Variants in CELF2 observed in about 807,000 individuals in gnomAD.
CELF2 encodes CUG triplet repeat RNA-binding protein 2.
A neutral mutation model predicts 62.6 loss-of-function variants in CELF2; 8 were observed. The observed-to-expected ratio is 0.13, with a 90% CI of 0.07 to 0.23. The LOEUF (loss-of-function observed/expected upper bound fraction) is 0.23, where lower values mean the gene tolerates loss of function less well. Ranked by LOEUF, CELF2 falls within the 10% of genes least tolerant of loss-of-function variation. The probability of loss-of-function intolerance (pLI) is 1.00; values close to 1 mark genes in which losing one functional copy is unlikely to be tolerated. For missense variants in CELF2, 333 were observed against 671.0 expected (o/e 0.50, Z 5.56); for synonymous variants, 258 against 250.0 (o/e 1.03, Z -0.30).
intron 2 of CELF2, among the ~76,000 whole-genome samples, chr10:11,167,542 T>C (rs1362975056): frequency 6.6e-6 from 1 of 152,224 alleles, no homozygotes; most frequent in Non-Finnish European, 1.5e-5. Flanking sequence ...AAAAAGTCCT[T>C]TTTCCCAGTC....
intron 1 of CELF2, among the ~76,000 whole-genome samples, chr10:11,112,300 A>T (rs1318920726): frequency 6.6e-6 from 1 of 152,244 alleles, no homozygotes; most frequent in Non-Finnish European, 1.5e-5. Flanking sequence ...AGGAGGTAGA[A>T]AGCACCATCA....
the CELF2 span, among the ~76,000 whole-genome samples, chr10:10,686,242 G>C: frequency 7.6e-6 from 1 of 131,548 alleles, no homozygotes; most frequent in Admixed American, 9.9e-5. Context: ...TATAAACCAG[G>C]TAGCTTTACC....
intron 1 of CELF2, among the ~76,000 whole-genome samples, chr10:10,916,257 G>A (rs558843496): frequency 1.1e-4 from 16 of 152,332 alleles, no homozygotes; most frequent in Admixed American, 5.2e-4. Context: ...AATGGTGACT[G>A]GATGATGACT....
In CELF2 at chr10:11,321,518, TTA is replaced by T. The variant is rs1491257515; in HGVS notation, c.1294+133_1294+134del. ...AAAGCAGTTGTTTTGTTATTCATGT[TTA>T]AAAAAAAAAAAAACTGAAAGCTGGG... On this transcript the variant is annotated intron_variant, in intron 11 of 12. Transcript: ENST00000633077. The surrounding 1 kb of genome is among the most constrained non-coding windows in gnomAD (Gnocchi z 6.2). 7 of 682,454 alleles carry T rather than the reference TTA, an allele frequency of 1.0e-5. No individual in the cohort carries two copies. Among genetic ancestry groups the T allele is most frequent in the Non-Finnish European group, 1.4e-5 (6 of 443,108 alleles). The allele number at this position is 682,454 out of a possible 1,614,324, so 42.3% of individuals were successfully genotyped here. A position where few individuals can be genotyped will look rare whatever the true frequency, so the allele number is the denominator to read the frequency against.
the CELF2 span, among the ~76,000 whole-genome samples, chr10:10,691,036 A>G: frequency 0.039 from 5,985 of 152,152 alleles, 280 homozygotes; most frequent in East Asian, 0.28. Context: ...TTTAAGTTTT[A>G]GGGTGCATGT....
At chr10:10,794,240 C>G (rs1428146673), upstream of CELF2, among the ~76,000 whole-genome samples, 1 of 152,026 alleles carries the variant, frequency 6.6e-6, no homozygotes, top group South Asian at 2.1e-4. Context: ...TTAACAAGAT[C>G]GGGAAATCTT....
At chr10:10,901,075 G>T (rs1384846370) in intron 1 of CELF2, among the ~76,000 whole-genome samples, 1 of 152,174 alleles carries the variant, frequency 6.6e-6, no homozygotes, top group African/African-American at 2.4e-5. Flanking sequence ...TGGGTCAGAA[G>T]ACTCAATAGT....
chr10:11,071,160 G>A (rs1263279758), intron 1 of CELF2, among the ~76,000 whole-genome samples: 2 of 152,138 alleles, frequency 1.3e-5, no homozygotes, highest in East Asian at 1.9e-4. Context: ...CTTCATGAAC[G>A]ACTTGAGAGC....
intron 1 of CELF2, among the ~76,000 whole-genome samples, chr10:10,863,188 C>T (rs965409511): frequency 6.6e-6 from 1 of 152,144 alleles, no homozygotes; most frequent in East Asian, 1.9e-4. Flanking sequence ...GCTACACTGC[C>T]CAGGCTAAAA....
chr10:10,837,799 T>A (rs60006491), intron 1 of CELF2, among the ~76,000 whole-genome samples: 10,998 of 152,190 alleles, frequency 0.072, 623 homozygotes, highest in East Asian at 0.19. Flanking sequence ...TGGCCATGTT[T>A]TGTTTTGCTT....
chr10:10,906,639 TAAAC>T (rs1464714429), intron 1 of CELF2, among the ~76,000 whole-genome samples: 1 of 151,126 alleles, frequency 6.6e-6, no homozygotes, highest in Non-Finnish European at 1.5e-5. Flanking sequence ...ATACAGTAAA[TAAAC>T]AAAGAGGAGA....
At chr10:10,963,391 T>G (rs2049764142) in intron 2 of CELF2, among the ~76,000 whole-genome samples, 1 of 152,146 alleles carries the variant, frequency 6.6e-6, no homozygotes, top group South Asian at 2.1e-4. Flanking sequence ...AAAAATCTTC[T>G]CTTATATTTC....
chr10:10,693,600 T>C, the CELF2 span, among the ~76,000 whole-genome samples: 1 of 151,344 alleles, frequency 6.6e-6, no homozygotes, highest in Non-Finnish European at 1.5e-5. Flanking sequence ...CAGTTCCTCC[T>C]TGTACCTCTG....
rs900100115 is a variant in CELF2, at chr10:11,242,434, G to A, written c.355-6719G>A. On this transcript the variant is annotated intron_variant, in intron 3 of 12. Coordinates refer to ENST00000633077, the MANE Select transcript of CELF2 (RefSeq NM_001326342.2). This position sits in a 1 kb window ranked among gnomAD's most constrained non-coding sequence, Gnocchi z 4.8. ...CTCGGAACCCTCCCTTCCTACAGCA[G>A]AGACCCACCGAGGCAGAGGGCTTCA... 1.3e-5 allele frequency among the ~76,000 whole-genome samples: 2 copies of A among 152,032 alleles called. No homozygotes were observed. Among genetic ancestry groups the A allele is most frequent in the African/African-American group, 4.8e-5 (2 of 41,382 alleles).
intron 3 of CELF2, among the ~76,000 whole-genome samples, chr10:11,233,431 T>G (rs1440436643): frequency 6.6e-6 from 1 of 152,172 alleles, no homozygotes; most frequent in African/African-American, 2.4e-5. Flanking sequence ...TTTCTTTAGG[T>G]CCCAGTGATC....
At chr10:10,555,912 G>T in the CELF2 span, among the ~76,000 whole-genome samples, 1 of 152,160 alleles carries the variant, frequency 6.6e-6, no homozygotes, top group East Asian at 1.9e-4. Context: ...CAGGATTTAG[G>T]TGACTGTATG....
At chr10:11,209,522 A>T (rs1422347452) in intron 2 of CELF2, among the ~76,000 whole-genome samples, 2 of 149,698 alleles carry the variant, frequency 1.3e-5, no homozygotes, top group Non-Finnish European at 3.0e-5. Flanking sequence ...TTGCCTCAAG[A>T]TGCTAGGGGT....
chr10:11,318,425 C>G lies in CELF2; in HGVS notation c.1097-2764C>G, dbSNP rs746285729. Reference sequence around the variant, plus strand: ...CTGCATCCCTTGCTCATGGTACCGCCTCTGCCACCTCCCCAGGGAAACAGG... The same window carrying G: ...CTGCATCCCTTGCTCATGGTACCGCGTCTGCCACCTCCCCAGGGAAACAGG... On this transcript the variant is annotated intron_variant, in intron 10 of 12. Coordinates refer to ENST00000633077, the MANE Select transcript of CELF2 (RefSeq NM_001326342.2). This position sits in a 1 kb window ranked among gnomAD's most constrained non-coding sequence, Gnocchi z 5.4. 3.4e-6 allele frequency: 1 copy of G among 295,598 alleles called. No homozygotes were observed. Among genetic ancestry groups the G allele is most frequent in the Non-Finnish European group, 6.6e-6 (1 of 151,820 alleles). The allele number at this position is 295,598 out of a possible 1,614,324, so 18.3% of individuals were successfully genotyped here.
chr10:10,846,221 G>A (rs1018753625), intron 1 of CELF2: 23 of 463,264 alleles, frequency 5.0e-5, no homozygotes, highest in African/African-American at 2.8e-4. Flanking sequence ...AATTATATAC[G>A]ATATGGCCTC....
Sources: gnomAD v4.1 joint callset for allele counts (sites outside exome capture counted in the v4.1 genomes callset) on GRCh38, gnomAD v4.1.1 for gene constraint, Gnocchi (gnomAD v3.1) non-coding constraint, MANE v1.5 for transcripts, NCBI Gene and HGNC (gene_info 2026-07-23, HGNC 2026-07-21) for gene names.